PDS5A: variants seen among roughly 807,000 people sequenced by gnomAD.
PDS5A encodes the protein PDS5 cohesin associated factor A, also known as sister chromatid cohesion protein PDS5 homolog A.
In PDS5A, 42 loss-of-function variants were observed where a neutral mutation model predicts 167.1. The observed-to-expected ratio is 0.25, with a 90% confidence interval of 0.20 to 0.33. The LOEUF (loss-of-function observed/expected upper bound fraction) is 0.33. PDS5A is among the 10% of genes least tolerant of loss of function. The pLI, the probability that PDS5A is intolerant of heterozygous loss-of-function variation, is 1.00. For synonymous variants in PDS5A, 553 were observed against 554.6 expected, an observed-to-expected ratio of 1.00 and a Z score of 0.04; for missense variants, 1,033 against 1,605.9, an observed-to-expected ratio of 0.64 and a Z score of 6.10.
At chr4:39,891,183 G>A (rs980168167) in intron 16 of PDS5A, among the ~76,000 whole-genome samples, 4 of 151,220 alleles carry the variant, frequency 2.6e-5, no homozygotes, top group South Asian at 4.2e-4. Context: ...AAACATGCAC[G>A]CCACCATGCC....
At chr4:39,880,153 AAAT>A (rs150133476) in intron 17 of PDS5A, among the ~76,000 whole-genome samples, 14,540 of 152,168 alleles carry the variant, frequency 0.096, 861 homozygotes, top group East Asian at 0.21. Context: ...GTTTTAAGAA[AAAT>A]AATAATATAG....
intron 31 of PDS5A, among the ~76,000 whole-genome samples, chr4:39,840,608 C>G (rs1716905788): frequency 6.6e-6 from 1 of 151,926 alleles, no homozygotes; most frequent in Admixed American, 6.6e-5. Flanking sequence ...GTTGGCCAGG[C>G]TGGTCTGGAA....
chr4:39,900,921 G>A (rs574392328), intron 13 of PDS5A, among the ~76,000 whole-genome samples: 4 of 152,126 alleles, frequency 2.6e-5, no homozygotes, highest in Non-Finnish European at 4.4e-5. Flanking sequence ...AATCATGAAG[G>A]CCTTATTAAA....
chr4:39,854,469 AT>A (rs770548520), intron 26 of PDS5A, among the ~76,000 whole-genome samples: 132 of 152,248 alleles, frequency 8.7e-4, no homozygotes, highest in Middle Eastern at 6.8e-3. Context: ...TTGACCTCCA[AT>A]ATTCTTCCTC....
intron 2 of PDS5A, among the ~76,000 whole-genome samples, chr4:39,957,626 G>C (rs1729054307): frequency 6.6e-6 from 1 of 151,450 alleles, no homozygotes; most frequent in Non-Finnish European, 1.5e-5. Context: ...TCTACTAAAA[G>C]TACAAAAAAA....
intron 30 of PDS5A, among the ~76,000 whole-genome samples, chr4:39,842,740 C>T (rs1004294445): frequency 2.0e-5 from 3 of 150,912 alleles, no homozygotes; most frequent in African/African-American, 4.9e-5. Context: ...CACAAACACC[C>T]CATAAATATG....
At chr4:39,952,147 T>C (rs1728464572) in intron 2 of PDS5A, among the ~76,000 whole-genome samples, 2 of 151,236 alleles carry the variant, frequency 1.3e-5, no homozygotes, top group Non-Finnish European at 3.0e-5. Context: ...ATGGCCAACA[T>C]TGTGAAACCC....
chr4:39,901,392 C>G (rs1722876876), intron 13 of PDS5A, among the ~76,000 whole-genome samples: 1 of 151,710 alleles, frequency 6.6e-6, no homozygotes, highest in African/African-American at 2.4e-5. Flanking sequence ...CTCAGCCTCC[C>G]TAGTAGCTGG....
At chr4:39,958,413 A>G (rs929081737) in intron 2 of PDS5A, among the ~76,000 whole-genome samples, 1 of 150,250 alleles carries the variant, frequency 6.7e-6, no homozygotes, top group Non-Finnish European at 1.5e-5. Flanking sequence ...AGGCTGAGCC[A>G]GGAGAATCGC....
chr4:39,866,173 G>A (rs1164986833), intron 23 of PDS5A, among the ~76,000 whole-genome samples: 1 of 152,072 alleles, frequency 6.6e-6, no homozygotes, highest in Admixed American at 6.5e-5. Context: ...GGAGTGCGGT[G>A]GCACGATCTC....
chr4:39,829,038 C>G (rs994304884), intron 32 of PDS5A, among the ~76,000 whole-genome samples: 1 of 152,192 alleles, frequency 6.6e-6, no homozygotes, highest in African/African-American at 2.4e-5. Flanking sequence ...TCAGACTCCA[C>G]AATGCAAGGC....
intron 29 of PDS5A, among the ~76,000 whole-genome samples, chr4:39,845,613 T>C (rs1035914473): frequency 6.6e-6 from 1 of 152,192 alleles, no homozygotes; most frequent in South Asian, 2.1e-4. Flanking sequence ...ACATTACTGA[T>C]GAGAACACAC....
rs561574718 is a variant in PDS5A, at chr4:39,825,255, A to T, written c.*230T>A. 1 of 409,994 alleles carries T rather than the reference A, an allele frequency of 2.4e-6. No individual in the cohort carries two copies. Among genetic ancestry groups the T allele is most frequent in the East Asian group, 3.6e-5 (1 of 27,968 alleles). 25.4% of individuals were successfully genotyped at this position (409,994 alleles called of 1,614,324 possible). A position where few individuals can be genotyped will look rare whatever the true frequency, so the allele number is the denominator to read the frequency against. ...AAGAAAAGTCTAGGGGAAGGGGGAG[A>T]ACAGAGTTGCTTTTAGCCTCTCTCT... On this transcript the variant is annotated 3_prime_UTR_variant, in exon 33 of 33. Coordinates refer to ENST00000303538, the MANE Select transcript of PDS5A (RefSeq NM_001100399.2).
At chr4:39,969,590 C>A (rs1313860171) in intron 2 of PDS5A, among the ~76,000 whole-genome samples, 2 of 151,986 alleles carry the variant, frequency 1.3e-5, no homozygotes, top group African/African-American at 4.8e-5. Flanking sequence ...CACTTGAACC[C>A]AGGAAGCAGA....
chr4:39,937,807 T>G (rs368440582), intron 2 of PDS5A, among the ~76,000 whole-genome samples: 2 of 152,218 alleles, frequency 1.3e-5, no homozygotes, highest in Admixed American at 6.5e-5. Context: ...TTCAGTTAAG[T>G]AGAAGACATA....
intron 2 of PDS5A, chr4:39,974,277 T>A (rs990425443): frequency 1.7e-5 from 9 of 540,896 alleles, no homozygotes; most frequent in Non-Finnish European, 3.0e-5. Context: ...CTTAATACTA[T>A]GAGACCAGCT....
chr4:39,874,662 CAA>C (rs987632441), intron 19 of PDS5A, among the ~76,000 whole-genome samples: 1 of 152,126 alleles, frequency 6.6e-6, no homozygotes, highest in Admixed American at 6.6e-5. Context: ...CACAAATATG[CAA>C]AATAACAAGC....
intron 2 of PDS5A, among the ~76,000 whole-genome samples, chr4:39,942,227 G>A (rs1437221252): frequency 6.6e-6 from 1 of 152,022 alleles, no homozygotes; most frequent in Non-Finnish European, 1.5e-5. Context: ...AAAACATTAT[G>A]TAATGTCAAC....
chr4:39,936,871 GAA>G (rs1341304288), intron 2 of PDS5A: 1 of 152,222 alleles, frequency 6.6e-6, no homozygotes, highest in Non-Finnish European at 1.5e-5. Flanking sequence ...GAAAAAGAAA[GAA>G]ACAGAAAATA....
Sources: allele counts gnomAD v4.1 joint callset (sites outside exome capture counted in the v4.1 genomes callset), GRCh38; gene constraint gnomAD v4.1.1; transcripts MANE v1.5; gene names NCBI Gene and HGNC (gene_info 2026-07-23, HGNC 2026-07-21).